Variants in C10orf143 observed in about 807,000 individuals in gnomAD.
C10orf143 encodes chromosome 10 open reading frame 143.
intron 1 of C10orf143, chr10:130,107,207 C>T (rs1447863829): frequency 7.3e-7 from 1 of 1,364,648 alleles, no homozygotes; most frequent in Non-Finnish European, 1.0e-6. Flanking sequence ...TGAATTATAT[C>T]AAGAAAATGA....
intron 3 of C10orf143, among the ~76,000 whole-genome samples, chr10:130,078,785 T>C (rs116339795): frequency 0.011 from 1,739 of 152,292 alleles, 27 homozygotes; most frequent in African/African-American, 0.039. Context: ...ATTGACTCAA[T>C]CTTTTGCTTA....
In C10orf143 at chr10:130,066,961, T is replaced by C. The variant is rs140540725; in HGVS notation, c.298-2578A>G. Reference sequence around the variant, plus strand: ...TGAAAAGTGATTTGATCAGCAATAATGGGAAAACCCTTTTCCACTTTTGGT... The same window carrying C: ...TGAAAAGTGATTTGATCAGCAATAACGGGAAAACCCTTTTCCACTTTTGGT... On this transcript the variant is annotated intron_variant, in intron 3 of 3. Coordinates refer to ENST00000637128, the MANE Select transcript of C10orf143 (RefSeq NM_001355042.2). 10 of 152,314 alleles carry C rather than the reference T, an allele frequency of 6.6e-5. No homozygotes were observed. The East Asian group carries it at 1.7e-3, about 26-fold the overall frequency. 9.4% of individuals were successfully genotyped at this position (152,314 alleles called of 1,614,324 possible).
chr10:130,076,685 T>C (rs1334028166), intron 3 of C10orf143, among the ~76,000 whole-genome samples: 1 of 152,202 alleles, frequency 6.6e-6, no homozygotes, highest in African/African-American at 2.4e-5. Context: ...TTTGGAGACC[T>C]CTGGCAGACC....
downstream of C10orf143, among the ~76,000 whole-genome samples, chr10:130,060,634 T>C (rs979622285): frequency 1.1e-4 from 16 of 149,654 alleles, no homozygotes; most frequent in East Asian, 6.1e-4. Flanking sequence ...CCATCCTGGC[T>C]AACACGGTGA....
intron 1 of C10orf143, chr10:130,105,950 G>A: frequency 5.2e-6 from 2 of 384,962 alleles, no homozygotes; most frequent in Non-Finnish European, 1.0e-5. Context: ...TCCGGTTGCC[G>A]GGTGCGGATT....
At chr10:130,088,153 C>T (rs761793513) in intron 1 of C10orf143, among the ~76,000 whole-genome samples, 36 of 152,250 alleles carry the variant, frequency 2.4e-4, no homozygotes, top group Non-Finnish European at 3.4e-4. Context: ...GAGGTCAAGG[C>T]GGGTGGATCA....
intron 1 of C10orf143, among the ~76,000 whole-genome samples, chr10:130,110,267 G>T (rs922477355): frequency 6.6e-6 from 1 of 152,150 alleles, no homozygotes; most frequent in Non-Finnish European, 1.5e-5. Flanking sequence ...CGCTCCCCAC[G>T]TACTCGTCCC....
rs1860922940 is a variant in C10orf143 at position 130,065,831 on chromosome 10, C to A, written c.298-1448G>T. 6.6e-6 allele frequency: 1 copy of A among 152,164 alleles called. No individual in the cohort carries two copies. The highest frequency in any genetic ancestry group is 1.9e-4 in the East Asian group (1 of 5,186). The allele number at this position is 152,164 out of a possible 1,614,324, so 9.4% of individuals were successfully genotyped here. ...ACTCTGAACGCAGGAGCCCAGCTGGCAAATCACGGCTCTGGGCTGTGCACT... is the reference window on the plus strand; with the variant it reads ...ACTCTGAACGCAGGAGCCCAGCTGGAAAATCACGGCTCTGGGCTGTGCACT... On this transcript the variant is annotated intron_variant, in intron 3 of 3. Transcript: ENST00000637128. This position sits in a 1 kb window ranked among gnomAD's most constrained non-coding sequence, Gnocchi z 4.2.
chr10:130,081,734 T>A (rs1450097248), intron 1 of C10orf143, among the ~76,000 whole-genome samples: 6 of 10,896 alleles, frequency 5.5e-4, no homozygotes, highest in African/African-American at 3.1e-3. Context: ...GGAAAGAATT[T>A]AAAAAAAAAT....
intron 1 of C10orf143, chr10:130,106,402 G>A (rs1414470554): frequency 6.2e-7 from 1 of 1,602,714 alleles, no homozygotes; most frequent in Non-Finnish European, 8.5e-7. Flanking sequence ...GCTTTGAGAA[G>A]GCGGCAGCAG....
At chr10:130,069,858 C>CTTTTTTTTTTT in intron 3 of C10orf143, among the ~76,000 whole-genome samples, 1 of 150,046 alleles carries the variant, frequency 6.7e-6, no homozygotes, top group African/African-American at 2.5e-5. Context: ...TCCATTGTTT[C>CTTTTTTTTTTT]TTTTTTTTTT....
intron 3 of C10orf143, among the ~76,000 whole-genome samples, chr10:130,047,681 G>A (rs778044397): frequency 3.9e-5 from 6 of 152,148 alleles, no homozygotes; most frequent in Non-Finnish European, 8.8e-5. Context: ...CTAAACCCAT[G>A]GACAGGTGAC....
chr10:130,093,009 C>T (rs543498758), intron 1 of C10orf143, among the ~76,000 whole-genome samples: 64 of 152,200 alleles, frequency 4.2e-4, no homozygotes, highest in African/African-American at 1.5e-3. Context: ...GATAGATCAA[C>T]GAGACAGAAA....
At chr10:130,039,178 T>C (rs1357227957) in intron 3 of C10orf143, among the ~76,000 whole-genome samples, 1 of 152,176 alleles carries the variant, frequency 6.6e-6, no homozygotes, top group African/African-American at 2.4e-5. Context: ...TCCATCTGTG[T>C]ATTGGCCAGT....
rs572560165 is a variant in C10orf143 at position 130,073,798 on chromosome 10, T to A, written c.297+5768A>T. On this transcript the variant is annotated intron_variant, in intron 3 of 3. Coordinates refer to ENST00000637128, the MANE Select transcript of C10orf143 (RefSeq NM_001355042.2). ...AAATGACCTAAATAACAGTTAAAAA[T>A]TTTTTTAAAGGTAGTTTTTCAATAT... Among the ~76,000 whole-genome samples the A allele has an allele frequency of 2.4e-4, 36 of 152,288 alleles. 1 individual carries two copies. In the South Asian group the frequency reaches 4.1e-3, roughly 18 times the overall value.
At chr10:130,058,494 C>T (rs1033442161) in intron 3 of C10orf143, among the ~76,000 whole-genome samples, 1 of 151,798 alleles carries the variant, frequency 6.6e-6, no homozygotes, top group Admixed American at 6.6e-5. Flanking sequence ...AAAACAAAAT[C>T]ATTATGAAAT....
rs529373867 is a variant in C10orf143, at chr10:130,073,192, G to A, written c.297+6374C>T. On this transcript the variant is annotated intron_variant, in intron 3 of 3. Coordinates refer to ENST00000637128, the MANE Select transcript of C10orf143 (RefSeq NM_001355042.2). ...TATCTCCAAATCTCCTACACACTGG[G>A]TGGTGGAGGCATGCCTACAGGACAG... 2.6e-5 allele frequency among the ~76,000 whole-genome samples: 4 copies of A among 152,276 alleles called. No homozygotes were observed. The East Asian group carries it at 7.7e-4, about 29-fold the overall frequency.
At chr10:130,039,864 C>T (rs1201855952) in intron 3 of C10orf143, among the ~76,000 whole-genome samples, 3 of 152,164 alleles carry the variant, frequency 2.0e-5, no homozygotes, top group African/African-American at 7.2e-5. Context: ...TACCAATTTG[C>T]TGTCCCCAGA....
intron 3 of C10orf143, among the ~76,000 whole-genome samples, chr10:130,073,384 A>G (rs890394714): frequency 1.3e-5 from 2 of 152,210 alleles, no homozygotes; most frequent in Admixed American, 1.3e-4. Flanking sequence ...TTAGGGTACA[A>G]TCAGATCTTC....
Sources: gnomAD v4.1 joint callset for allele counts (sites outside exome capture counted in the v4.1 genomes callset) on GRCh38, gnomAD v4.1.1 for gene constraint, Gnocchi (gnomAD v3.1) non-coding constraint, MANE v1.5 for transcripts, NCBI Gene and HGNC (gene_info 2026-07-23, HGNC 2026-07-21) for gene names.